CUL4B: variants seen among roughly 807,000 people sequenced by gnomAD.
The protein encoded by CUL4B is cullin-4B.
Under a neutral mutation model 69.2 loss-of-function variants are expected in CUL4B, and 1 was observed. The ratio of observed to expected loss-of-function variants is 0.01; its 90% CI spans 0.01 to 0.07. The LOEUF (loss-of-function observed/expected upper bound fraction) is 0.07. CUL4B is among the 10% of genes least tolerant of loss of function. The pLI, the probability that CUL4B is intolerant of heterozygous loss-of-function variation, is 1.00. For synonymous variants in CUL4B, 237 were observed against 223.2 expected, an observed-to-expected ratio of 1.06 and a Z score of -0.55; for missense variants, 328 against 638.8, an observed-to-expected ratio of 0.51 and a Z score of 5.24.
intron 19 of CUL4B, among the ~76,000 whole-genome samples, chrX:120,528,809 G>T (rs1923150655): frequency 8.9e-6 from 1 of 111,767 alleles, no homozygotes; most frequent in Non-Finnish European, 1.9e-5. Flanking sequence ...TAAGTGACTT[G>T]GATTTCTGCA....
intron 1 of CUL4B, 35 bp from the exon 2 acceptor site, chrX:120,558,074 C>G: frequency 1.2e-6 from 1 of 839,939 alleles, no homozygotes; most frequent in Non-Finnish European, 1.8e-6. Flanking sequence ...ATCAGAATAC[C>G]ATGTCAGATA....
chrX:120,532,853 T>G (rs1240252284), intron 17 of CUL4B, among the ~76,000 whole-genome samples: 1 of 111,497 alleles, frequency 9.0e-6, no homozygotes, highest in Non-Finnish European at 1.9e-5. Flanking sequence ...CGCCTTGGCC[T>G]CCCAAAGTGC....
downstream of CUL4B, among the ~76,000 whole-genome samples, chrX:120,566,861 G>A (rs1394599002): frequency 9.0e-6 from 1 of 111,262 alleles, no homozygotes; most frequent in African/African-American, 3.3e-5. Context: ...GAGATAGGCT[G>A]TTTTCCCTGA....
chrX:120,526,732 A>G lies in CUL4B; in HGVS notation c.*29T>C, dbSNP rs372169750. ...TTAGTTTATCCACTGGCTACTGCAT[A>G]TGACACCAAATGCTGCAAGGCCAAC... On this transcript the variant is annotated 3_prime_UTR_variant, in exon 20 of 20. Coordinates refer to ENST00000371322, the MANE Select transcript of CUL4B (RefSeq NM_001079872.2). The G allele has an allele frequency of 5.0e-6, 5 of 992,506 alleles. No homozygotes were observed. The highest frequency in any genetic ancestry group is 7.1e-6 in the Non-Finnish European group (5 of 702,617). The allele number at this position is 992,506 out of a possible 1,213,427, so 81.8% of individuals were successfully genotyped here.
At chrX:120,561,080 T>C, upstream of CUL4B, 5 of 1,008,383 alleles carry the variant, frequency 5.0e-6, no homozygotes, top group Non-Finnish European at 6.3e-6. Flanking sequence ...CACAAGAGGC[T>C]AAAGATGGCG....
chrX:120,538,734 A>G lies in CUL4B; in HGVS notation c.1778T>C (p.Leu593Ser), dbSNP rs1408398367. The G allele has an allele frequency of 8.3e-7, 1 of 1,205,409 alleles. No homozygotes were observed. The highest frequency in any genetic ancestry group is 1.7e-5 in the African/African-American group (1 of 57,271). ...DVFEAFYKKD[L>S]AKRLLVGKSA... ...CTTTCCGACTAACAGGCGCTTGGCT[A>G]AATCTTTCTTATAGAAGGCCTCAAA... Residue 593 changes from leucine to serine, a missense_variant, in exon 13 of 20, where the codon TTA becomes TCA. Coordinates refer to ENST00000371322, the MANE Select transcript of CUL4B (RefSeq NM_001079872.2).
At chrX:120,573,736 T>C (rs1029475920) in intron 2 of CUL4B, among the ~76,000 whole-genome samples, 1 of 112,725 alleles carries the variant, frequency 8.9e-6, no homozygotes, top group Non-Finnish European at 1.9e-5. Context: ...CCCAGTTTTC[T>C]CTGGGAAAAT....
chrX:120,565,885 C>T (rs1225940870), upstream of CUL4B, among the ~76,000 whole-genome samples: 2 of 105,143 alleles, frequency 1.9e-5, no homozygotes, highest in African/African-American at 6.9e-5. Context: ...ACCACCACGC[C>T]CAGCTAATTT....
intron 2 of CUL4B, among the ~76,000 whole-genome samples, chrX:120,556,053 G>A (rs1924945589): frequency 9.1e-6 from 1 of 109,526 alleles, no homozygotes; most frequent in Admixed American, 9.8e-5. Flanking sequence ...TTTGCAGGCT[G>A]TCATGGACAC....
intron 1 of CUL4B, chrX:120,559,789 C>T (rs1182069931): frequency 8.3e-6 from 9 of 1,081,442 alleles, no homozygotes; most frequent in East Asian, 4.4e-5. Flanking sequence ...CTGCAAAATC[C>T]GGATCAATCA....
Position 120,526,438 on chromosome X carries a change from C to A in CUL4B, c.*323G>T. The A allele has an allele frequency of 1.0e-5, 2 of 195,767 alleles. No individual in the cohort carries two copies. Among genetic ancestry groups the A allele is most frequent in the East Asian group, 1.4e-4 (1 of 7,259 alleles). The allele number at this position is 195,767 out of a possible 1,213,427, so 16.1% of individuals were successfully genotyped here. ...TTCATAATTAATGGTGTGTAAGAAC[C>A]CTCCCCCCTTTTTAATAGCCACAGG... On this transcript the variant is annotated 3_prime_UTR_variant, in exon 20 of 20. Transcript: ENST00000371322.
At chrX:120,540,599 A>G in intron 10 of CUL4B, 37 bp from the exon 11 acceptor site, 1 of 974,491 alleles carries the variant, frequency 1.0e-6, no homozygotes, top group Non-Finnish European at 1.5e-6. Flanking sequence ...CTGTAATCGA[A>G]TTGTCTACAA....
At chrX:120,536,666 G>A (rs1923689902) in intron 15 of CUL4B, among the ~76,000 whole-genome samples, 1 of 111,595 alleles carries the variant, frequency 9.0e-6, no homozygotes, top group Admixed American at 9.5e-5. Flanking sequence ...AAAGCAGTTG[G>A]TATTTGGTGT....
intron 2 of CUL4B, among the ~76,000 whole-genome samples, chrX:120,551,563 T>C (rs753178107): frequency 8.1e-5 from 9 of 111,499 alleles, no homozygotes; most frequent in Non-Finnish European, 1.5e-4. Flanking sequence ...TAGGCAAGAT[T>C]TGGAGTGGTG....
chrX:120,537,050 A>C lies in CUL4B; in HGVS notation c.1939-16T>G. On this transcript the variant is annotated splice_polypyrimidine_tract_variant and intron_variant, in intron 14 of 19. Transcript: ENST00000371322. ...TCTGCATATACTATAAGAAGATCAA[A>C]ACACACACTGAGATCTTAAAACTGC... 9.5e-7 allele frequency: 1 copy of C among 1,050,498 alleles called. No homozygotes were observed. Among genetic ancestry groups the C allele is most frequent in the Non-Finnish European group, 1.3e-6 (1 of 749,109 alleles). The allele number at this position is 1,050,498 out of a possible 1,213,427, so 86.6% of individuals were successfully genotyped here.
upstream of CUL4B, chrX:120,561,142 TG>T: frequency 4.3e-6 from 4 of 939,705 alleles, no homozygotes; most frequent in South Asian, 1.1e-4. Context: ...CCTCAGGGAG[TG>T]GGGGTGAGGG....
At chrX:120,555,211 G>A in intron 2 of CUL4B, among the ~76,000 whole-genome samples, 1 of 112,052 alleles carries the variant, frequency 8.9e-6, no homozygotes, top group East Asian at 2.8e-4. Context: ...CAGAATCAAT[G>A]TATCAGGAAA....
At chrX:120,557,703 A>T (rs1210658432) in intron 2 of CUL4B, among the ~76,000 whole-genome samples, 2 of 111,743 alleles carry the variant, frequency 1.8e-5, no homozygotes, top group African/African-American at 3.3e-5. Flanking sequence ...GTAATTTCTT[A>T]TCAGGAGGGT....
In CUL4B at chrX:120,534,593, A is replaced by C; in HGVS notation, c.2161-7T>G. 1 of 1,106,464 alleles carries C rather than the reference A, an allele frequency of 9.0e-7. No individual in the cohort carries two copies. Among genetic ancestry groups the C allele is most frequent in the East Asian group, 3.0e-5 (1 of 33,423 alleles). 91.2% of individuals were successfully genotyped at this position (1,106,464 alleles called of 1,213,427 possible). ...CCTGGAGTTCCTTTTTACCCTGTTG[A>C]AGAAATAAAAGTGTTTAGTCATCAC... On this transcript the variant is annotated splice_region_variant and splice_polypyrimidine_tract_variant and intron_variant, in intron 16 of 19. Transcript: ENST00000371322.
Sources: gnomAD v4.1 joint callset for allele counts (sites outside exome capture counted in the v4.1 genomes callset) on GRCh38, gnomAD v4.1.1 for gene constraint, MANE v1.5 for transcripts, NCBI Gene and HGNC (gene_info 2026-07-23, HGNC 2026-07-21) for gene names.